The following SNCAIP variants were observed in gnomAD, a reference collection of about 807,000 sequenced individuals.
SNCAIP encodes synuclein alpha interacting protein.
SNCAIP carries 43 observed loss-of-function variants against 86.7 expected under a neutral mutation model. The ratio of observed to expected loss-of-function variants is 0.50; its 90% confidence interval spans 0.39 to 0.64. The LOEUF is 0.64. Among genes scored for constraint, SNCAIP ranks in the 30% least tolerant of loss-of-function variants. The probability of loss-of-function intolerance (pLI) is 0.00; values close to 1 mark genes in which losing one functional copy is unlikely to be tolerated. For synonymous variants in SNCAIP, 417 were observed against 427.2 expected, an observed-to-expected ratio of 0.98 and a Z score of 0.29; for missense variants, 981 against 1,103.1, an observed-to-expected ratio of 0.89 and a Z score of 1.57.
Position 122,330,117 on chromosome 5 carries a change from CTTTTTTT to C in SNCAIP, c.-47+17849_-47+17855del, listed in dbSNP as rs1212303157. On this transcript the variant is annotated intron_variant, in intron 1 of 10. Transcript: ENST00000261368. ...CTTACCTCCGTGTACAACTTCATTT[CTTTTTTT>C]TTTTTTTTTTTTTTTGAGACGGAGT... Among the ~76,000 whole-genome samples, 196 of 96,834 alleles carry C rather than the reference CTTTTTTT, an allele frequency of 2.0e-3. 6 individuals are homozygous for C. The highest frequency in any genetic ancestry group is 8.0e-3 in the African/African-American group (186 of 23,266). 63.5% of individuals were successfully genotyped at this position (96,834 alleles called of 152,430 possible).
intron 1 of SNCAIP, among the ~76,000 whole-genome samples, chr5:122,336,140 A>T (rs1756400356): frequency 6.6e-6 from 1 of 152,238 alleles, no homozygotes; most frequent in South Asian, 2.1e-4. Context: ...CCTATTTTGC[A>T]TAGAAGTAAT....
At chr5:122,410,858 G>A (rs956091268) in intron 3 of SNCAIP, among the ~76,000 whole-genome samples, 12 of 152,264 alleles carry the variant, frequency 7.9e-5, no homozygotes, top group African/African-American at 2.9e-4. Context: ...TAATTAAAAG[G>A]GCTGAAGGTA....
chr5:122,378,255 C>A lies in SNCAIP; in HGVS notation c.-46-12834C>A, dbSNP rs373598401. ...TTCTAACTGGTGTGAGATGGTATCT[C>A]ATTGTGGTTTTGATTTGCATTTCTC... On this transcript the variant is annotated intron_variant, in intron 1 of 10. Coordinates refer to ENST00000261368, the MANE Select transcript of SNCAIP (RefSeq NM_005460.4). Among the ~76,000 whole-genome samples, 4 of 144,196 alleles carry A rather than the reference C, an allele frequency of 2.8e-5. 1 individual carries two copies. In the South Asian group the frequency reaches 9.9e-4, roughly 36 times the overall value. The allele number at this position is 144,196 out of a possible 152,430, so 94.6% of individuals were successfully genotyped here.
chr5:122,356,862 A>G (rs932149727), intron 1 of SNCAIP, among the ~76,000 whole-genome samples: 1 of 152,094 alleles, frequency 6.6e-6, no homozygotes, highest in African/African-American at 2.4e-5. Flanking sequence ...CCACCCTCCT[A>G]ACTGGCTGCT....
chr5:122,351,577 A>G (rs1386230213), intron 1 of SNCAIP, among the ~76,000 whole-genome samples: 1 of 150,270 alleles, frequency 6.7e-6, no homozygotes, highest in Non-Finnish European at 1.5e-5. Context: ...GAACTAATTA[A>G]AGACATGTTA....
intron 1 of SNCAIP, 60 bp from the exon 2 acceptor site, chr5:122,391,029 T>C: frequency 1.2e-6 from 1 of 846,686 alleles, no homozygotes; most frequent in South Asian, 1.3e-5. Context: ...GTAGACATTA[T>C]TTTTGGTTGT....
chr5:122,347,699 A>G (rs1758890668), intron 1 of SNCAIP, among the ~76,000 whole-genome samples: 1 of 152,122 alleles, frequency 6.6e-6, no homozygotes, highest in African/African-American at 2.4e-5. Context: ...AACTAAAATA[A>G]TGCATGTGAC....
At chr5:122,369,052 C>A (rs1265603831) in intron 1 of SNCAIP, among the ~76,000 whole-genome samples, 1 of 152,160 alleles carries the variant, frequency 6.6e-6, no homozygotes. Flanking sequence ...CAGCTCTGAT[C>A]TCAAGAAGGC....
chr5:122,386,400 A>G (rs923113131), intron 1 of SNCAIP, among the ~76,000 whole-genome samples: 3 of 152,218 alleles, frequency 2.0e-5, no homozygotes, highest in African/African-American at 7.2e-5. Flanking sequence ...TGAGAAGGTG[A>G]CATGGTGTTG....
At chr5:122,420,166 G>C (rs1776087553) in intron 3 of SNCAIP, among the ~76,000 whole-genome samples, 1 of 152,156 alleles carries the variant, frequency 6.6e-6, no homozygotes, top group Admixed American at 6.5e-5. Context: ...GGGACAACAA[G>C]CCAAAATGTT....
At chr5:122,433,112 A>AGTGTGTGTGTGTGT (rs34711914) in intron 6 of SNCAIP, among the ~76,000 whole-genome samples, 142 of 147,818 alleles carry the variant, frequency 9.6e-4, no homozygotes, top group African/African-American at 3.4e-3. Flanking sequence ...AACTTCTAGT[A>AGTGTGTGTGTGTGT]GTGTGTGTGT....
At chr5:122,345,754 G>T (rs546603532) in intron 1 of SNCAIP, among the ~76,000 whole-genome samples, 1 of 152,176 alleles carries the variant, frequency 6.6e-6, no homozygotes, top group Admixed American at 6.5e-5. Flanking sequence ...TTTAACTCAT[G>T]GGCTCAAGTG....
In SNCAIP at chr5:122,422,869, T is replaced by A. The variant is rs1776668616; in HGVS notation, c.132T>A (p.Val44=). The part of the protein sequence containing the change: ...RCDTQNEDRS[V]SSSSWNCGIS... ...TCTATTTTAATTTTTTAAAAACAGT[T>A]TCTAGCTCTAGCTGGAATTGTGGCA... Residue 44 remains valine (V), a splice_region_variant and synonymous_variant, in exon 4 of 11, where the codon GTT becomes GTA. Coordinates refer to ENST00000261368, the MANE Select transcript of SNCAIP (RefSeq NM_005460.4). The A allele has an allele frequency of 1.2e-6, 2 of 1,613,566 alleles. No individual in the cohort carries two copies. Among genetic ancestry groups the A allele is most frequent in the African/African-American group, 1.3e-5 (1 of 75,058 alleles).
intron 7 of SNCAIP, among the ~76,000 whole-genome samples, chr5:122,441,707 T>G (rs1780970421): frequency 6.6e-6 from 1 of 152,066 alleles, no homozygotes; most frequent in African/African-American, 2.4e-5. Flanking sequence ...TAAGACCCAA[T>G]TGATCTTTCC....
intron 2 of SNCAIP, among the ~76,000 whole-genome samples, chr5:122,392,226 T>C (rs985745857): frequency 1.4e-4 from 21 of 152,228 alleles, no homozygotes; most frequent in African/African-American, 5.1e-4. Context: ...AAATCACCTA[T>C]TTTATACAAA....
chr5:122,451,716 T>A, intron 10 of SNCAIP, 115 bp downstream of exon 10: 1 of 747,944 alleles, frequency 1.3e-6, no homozygotes, highest in Non-Finnish European at 2.2e-6. Context: ...AAAAAAAAAA[T>A]CCAAAGGGAT....
At position 122,451,347 on chromosome 5, in the gene SNCAIP, G is replaced by A. The variant is rs758302939; in HGVS notation, c.2500G>A (p.Gly834Arg). 1.9e-6 allele frequency: 3 copies of A among 1,614,092 alleles called. No homozygotes were observed. The highest frequency in any genetic ancestry group is 2.5e-6 in the Non-Finnish European group (3 of 1,180,002). The stretch of plus-strand genomic sequence containing the variant: ...GGAGCAGCCTAGCCTTGAACTGAAT[G>A]GAGAAAAAGACAAAGATAAGGGCAG... The part of the protein sequence containing the change: ...QMEQPSLELN[G>R]EKDKDKGRTL... Residue 834 changes from glycine (G) to arginine (R), a missense_variant, in exon 10 of 11, where the codon GGA becomes AGA. Transcript: ENST00000261368.
chr5:122,406,333 T>C (rs990774711), intron 3 of SNCAIP, among the ~76,000 whole-genome samples: 1 of 152,236 alleles, frequency 6.6e-6, no homozygotes, highest in Non-Finnish European at 1.5e-5. Context: ...AGCAGATTTC[T>C]ATCTTTTCAA....
At chr5:122,440,475 G>T (rs924226301) in intron 6 of SNCAIP, 154 bp from the exon 7 acceptor site, 5 of 720,510 alleles carry the variant, frequency 6.9e-6, no homozygotes, top group South Asian at 1.6e-5. Flanking sequence ...GAGATTCAAG[G>T]ATTTTCAATT....
Sources: allele counts gnomAD v4.1 joint callset (sites outside exome capture counted in the v4.1 genomes callset), GRCh38; gene constraint gnomAD v4.1.1; transcripts MANE v1.5; gene names NCBI Gene and HGNC (gene_info 2026-07-23, HGNC 2026-07-21).